NETO2: variants seen among roughly 807,000 people sequenced by gnomAD.
NETO2 encodes the protein neuropilin and tolloid like 2.
Under a neutral mutation model 62.5 loss-of-function variants are expected in NETO2, and 28 were observed. The ratio of observed to expected loss-of-function variants is 0.45; its 90% CI spans 0.33 to 0.61. The LOEUF is 0.61. Among genes scored for constraint, NETO2 ranks in the 20% least tolerant of loss-of-function variants. The pLI, the probability that NETO2 is intolerant of heterozygous loss-of-function variation, is 0.02. For missense variants in NETO2, 548 were observed against 643.2 expected (o/e 0.85, Z 1.60); for synonymous variants, 214 against 219.1 (o/e 0.98, Z 0.21).
intron 7 of NETO2, among the ~76,000 whole-genome samples, chr16:47,087,108 A>G (rs1198803258): frequency 1.3e-5 from 2 of 151,298 alleles, no homozygotes; most frequent in Non-Finnish European, 2.9e-5. Flanking sequence ...GGCTCACTGC[A>G]ACCTCCACCT....
At chr16:47,142,472 G>T (rs963672105) in intron 1 of NETO2, among the ~76,000 whole-genome samples, 1 of 152,180 alleles carries the variant, frequency 6.6e-6, no homozygotes, top group African/African-American at 2.4e-5. Context: ...TGAAAAAAGT[G>T]CTGTTAGGGA....
In NETO2 at chr16:47,080,365, C is replaced by G. The variant is rs1234530052; in HGVS notation, c.*2856G>C. The G allele has an allele frequency of 1.3e-5, 2 of 152,160 alleles. No homozygotes were observed. Among genetic ancestry groups the G allele is most frequent in the African/African-American group, 2.4e-5 (1 of 41,438 alleles). 9.4% of individuals were successfully genotyped at this position (152,160 alleles called of 1,614,324 possible). A position where few individuals can be genotyped will look rare whatever the true frequency, so the allele number is the denominator to read the frequency against. On this transcript the variant is annotated 3_prime_UTR_variant, in exon 9 of 9. Transcript: ENST00000562435. ...GCATTTTGTGTTCAACACTGGGACA[C>G]TGTGTGGGGTACCCTGCGTGACAGT... is the stretch of plus-strand genomic sequence containing the variant.
At chr16:47,085,998 T>C (rs1323887371) in intron 8 of NETO2, among the ~76,000 whole-genome samples, 1 of 151,880 alleles carries the variant, frequency 6.6e-6, no homozygotes, top group Non-Finnish European at 1.5e-5. Context: ...CCCAGCTACT[T>C]GGGAAGCTAA....
chr16:47,107,589 C>T lies in NETO2; in HGVS notation c.883+1894G>A, dbSNP rs141332388. Reference sequence around the variant, plus strand: ...ATGAAGAAAGGGCTCCTTGGAAATGCGGCTGGTCCAGCGTTGGGTCAGGGA... The same window carrying T: ...ATGAAGAAAGGGCTCCTTGGAAATGTGGCTGGTCCAGCGTTGGGTCAGGGA... On this transcript the variant is annotated intron_variant, in intron 7 of 8. Coordinates refer to ENST00000562435, the MANE Select transcript of NETO2 (RefSeq NM_018092.5). Among the ~76,000 whole-genome samples the T allele has an allele frequency of 5.7e-3, 861 of 152,228 alleles. 7 individuals carry two copies. The highest frequency in any genetic ancestry group is 0.02 in the African/African-American group (822 of 41,528).
rs144229750 is a variant in NETO2 at position 47,128,349 on chromosome 16, G to A, written c.457C>T (p.Arg153Ter). 3.1e-6 allele frequency: 5 copies of A among 1,613,238 alleles called. No individual in the cohort carries two copies. Among genetic ancestry groups the A allele is most frequent in the Non-Finnish European group, 3.4e-6 (4 of 1,179,686 alleles). Residue 153 changes from arginine (R) to a stop codon, truncating the protein, a stop_gained, in exon 4 of 9, where the codon CGA becomes TGA. Coordinates refer to ENST00000562435, the MANE Select transcript of NETO2 (RefSeq NM_018092.5). LOFTEE classifies it high-confidence loss of function. Reference sequence around the variant, plus strand: ...CCTGGAATAAATGAATATTTTGCTCGAAATCCCAGTCCTTCAAGCTCTTCA... The same window carrying A: ...CCTGGAATAAATGAATATTTTGCTCAAAATCCCAGTCCTTCAAGCTCTTCA... ...SDEELEGLGF[R>*]AKYSFIPDPD... is the part of the protein sequence containing the mutation.
At chr16:47,129,628 G>A (rs1293397194) in intron 2 of NETO2, among the ~76,000 whole-genome samples, 1 of 152,112 alleles carries the variant, frequency 6.6e-6, no homozygotes, top group Non-Finnish European at 1.5e-5. Flanking sequence ...AAACCATATG[G>A]GGGAATCTGC....
intron 3 of NETO2, among the ~76,000 whole-genome samples, chr16:47,128,802 A>G (rs961161329): frequency 6.6e-6 from 1 of 152,334 alleles, no homozygotes; most frequent in Admixed American, 6.5e-5. Context: ...ACTAAATTAA[A>G]TATTTTTGAG....
chr16:47,102,503 C>A (rs535135614), intron 7 of NETO2, among the ~76,000 whole-genome samples: 3 of 151,848 alleles, frequency 2.0e-5, no homozygotes, highest in Admixed American at 6.6e-5. Context: ...GAACAGGCAA[C>A]CTACAGAATC....
chr16:47,124,062 G>C (rs751514722), intron 4 of NETO2, among the ~76,000 whole-genome samples: 31 of 152,074 alleles, frequency 2.0e-4, no homozygotes, highest in Non-Finnish European at 4.3e-4. Context: ...TGTTAAAACT[G>C]TTGTTTTTAA....
Position 47,142,312 on chromosome 16 carries a change from T to C in NETO2, c.34+1267A>G, listed in dbSNP as rs192034480. On this transcript the variant is annotated intron_variant, in intron 1 of 8. Coordinates refer to ENST00000562435, the MANE Select transcript of NETO2 (RefSeq NM_018092.5). ...GCTAGAAAGTCCTAGGTTACCTTAG[T>C]ACAAGCTGTAGATACGTTTACAGTG... Among the ~76,000 whole-genome samples, 3 of 152,342 alleles carry C rather than the reference T, an allele frequency of 2.0e-5. No homozygotes were observed. The East Asian group carries it at 5.8e-4, about 29-fold the overall frequency.
chr16:47,142,144 G>C (rs1360169674), intron 1 of NETO2, among the ~76,000 whole-genome samples: 1 of 152,182 alleles, frequency 6.6e-6, no homozygotes, highest in East Asian at 1.9e-4. Context: ...GGTTTATCAC[G>C]AAAGAGTAAA....
At chr16:47,099,591 G>T (rs1207343095) in intron 7 of NETO2, among the ~76,000 whole-genome samples, 1 of 151,838 alleles carries the variant, frequency 6.6e-6, no homozygotes, top group Non-Finnish European at 1.5e-5. Flanking sequence ...ACATACATAG[G>T]CTCAAAATAA....
chr16:47,101,836 T>C (rs1963553220), intron 7 of NETO2, among the ~76,000 whole-genome samples: 2 of 152,096 alleles, frequency 1.3e-5, no homozygotes, highest in Admixed American at 1.3e-4. Context: ...AGAATCAATA[T>C]CGTGAAAATG....
At chr16:47,129,186 A>T in intron 3 of NETO2, 38 bp downstream of exon 3, 1 of 1,590,262 alleles carries the variant, frequency 6.3e-7, no homozygotes, top group Non-Finnish European at 8.6e-7. Context: ...TTTACAATAA[A>T]GTAAAAATTC....
intron 2 of NETO2, 117 bp downstream of exon 2, chr16:47,131,852 A>C (rs1964271695): frequency 1.3e-6 from 1 of 783,488 alleles, no homozygotes; most frequent in Non-Finnish European, 2.2e-6. Context: ...AGAAAGCCTT[A>C]GGTCACTGGA....
At chr16:47,129,015 T>C (rs1177759906) in intron 3 of NETO2, among the ~76,000 whole-genome samples, 1 of 152,228 alleles carries the variant, frequency 6.6e-6, no homozygotes, top group African/African-American at 2.4e-5. Context: ...CGTAGTTGAA[T>C]TATACTTTGG....
chr16:47,112,864 T>G (rs185094464), intron 6 of NETO2, among the ~76,000 whole-genome samples: 1 of 152,084 alleles, frequency 6.6e-6, no homozygotes, highest in East Asian at 1.9e-4. Context: ...TGAGATCTAA[T>G]AAATATTGTT....
At chr16:47,112,679 T>A (rs1963825366) in intron 6 of NETO2, among the ~76,000 whole-genome samples, 1 of 152,208 alleles carries the variant, frequency 6.6e-6, no homozygotes, top group Non-Finnish European at 1.5e-5. Flanking sequence ...ATTTAAACAT[T>A]CAAATTTTAA....
intron 8 of NETO2, 125 bp downstream of exon 8, chr16:47,086,101 G>T: frequency 1.4e-6 from 1 of 703,744 alleles, no homozygotes; most frequent in East Asian, 2.7e-5. Flanking sequence ...GCAGGACTCC[G>T]TCTCAAACAA....
Sources: gnomAD v4.1 joint callset for allele counts (sites outside exome capture counted in the v4.1 genomes callset) on GRCh38, gnomAD v4.1.1 for gene constraint, MANE v1.5 for transcripts, NCBI Gene and HGNC (gene_info 2026-07-23, HGNC 2026-07-21) for gene names.